Variants in PLCB4 observed in about 807,000 individuals in gnomAD.
PLCB4 encodes the protein phospholipase C beta 4.
Under a neutral mutation model 178.8 loss-of-function variants are expected in PLCB4, and 77 were observed. The ratio of observed to expected loss-of-function variants is 0.43; its 90% CI spans 0.36 to 0.52. The LOEUF is 0.52. Among genes scored for constraint, PLCB4 ranks in the 20% least tolerant of loss-of-function variants. The pLI is 0.00. For missense variants in PLCB4, 1,024 were observed against 1,453.4 expected (o/e 0.70, Z 4.80); for synonymous variants, 496 against 490.8 (o/e 1.01, Z -0.14).
intron 4 of PLCB4, among the ~76,000 whole-genome samples, chr20:9,327,310 G>A (rs1229206429): frequency 6.6e-6 from 1 of 151,532 alleles, no homozygotes; most frequent in East Asian, 1.9e-4. Flanking sequence ...AGCCAGCCAT[G>A]ATAGTGAATG....
At chr20:9,301,242 G>T (rs906315701) in intron 3 of PLCB4, among the ~76,000 whole-genome samples, 23 of 151,912 alleles carry the variant, frequency 1.5e-4, no homozygotes, top group Admixed American at 9.9e-4. Context: ...TTCGCGAGTT[G>T]CAGCAGTTAG....
chr20:9,217,668 CT>C (rs1214053331), intron 3 of PLCB4, among the ~76,000 whole-genome samples: 5 of 152,242 alleles, frequency 3.3e-5, no homozygotes, highest in Non-Finnish European at 5.9e-5. Context: ...ACCTTGGGCA[CT>C]TTACCCTTTG....
At chr20:9,235,143 G>T (rs2093979509) in intron 3 of PLCB4, among the ~76,000 whole-genome samples, 1 of 152,146 alleles carries the variant, frequency 6.6e-6, no homozygotes, top group African/African-American at 2.4e-5. Context: ...ATGAAAGTGT[G>T]GTAGGGTCAG....
At chr20:9,109,986 G>C (rs940507879) in intron 2 of PLCB4, among the ~76,000 whole-genome samples, 1 of 152,192 alleles carries the variant, frequency 6.6e-6, no homozygotes, top group African/African-American at 2.4e-5. Flanking sequence ...CTGATGTTCT[G>C]TGAATCTGTT....
At chr20:9,171,448 C>T (rs1008388096) in intron 2 of PLCB4, among the ~76,000 whole-genome samples, 1 of 152,084 alleles carries the variant, frequency 6.6e-6, no homozygotes, top group Non-Finnish European at 1.5e-5. Context: ...AACCAGAGAC[C>T]ATATTTTGTT....
At chr20:9,237,644 A>T (rs1338405813) in intron 3 of PLCB4, among the ~76,000 whole-genome samples, 2 of 152,220 alleles carry the variant, frequency 1.3e-5, no homozygotes, top group African/African-American at 4.8e-5. Context: ...TAGACCACAG[A>T]TCCTGAGAAC....
chr20:9,270,160 A>G (rs148202806), intron 3 of PLCB4, among the ~76,000 whole-genome samples: 169 of 152,294 alleles, frequency 1.1e-3, no homozygotes, highest in African/African-American at 3.9e-3. Flanking sequence ...GCATCACTAA[A>G]TGGTGAATTA....
intron 2 of PLCB4, among the ~76,000 whole-genome samples, chr20:9,132,593 A>T (rs73609428): frequency 6.6e-6 from 1 of 152,206 alleles, no homozygotes; most frequent in African/African-American, 2.4e-5. Context: ...TTAGTAAATT[A>T]GATCCAGTTG....
intron 2 of PLCB4, among the ~76,000 whole-genome samples, chr20:9,128,355 A>G (rs1183264784): frequency 6.6e-6 from 1 of 152,128 alleles, no homozygotes; most frequent in African/African-American, 2.4e-5. Context: ...TTTATAAATT[A>G]CCCAACTTCA....
chr20:9,283,849 T>G (rs78662552), intron 3 of PLCB4, among the ~76,000 whole-genome samples: 6,610 of 152,028 alleles, frequency 0.043, 215 homozygotes, highest in East Asian at 0.17. Context: ...CCCTTTCTAT[T>G]ATATTTTTTA....
intron 14 of PLCB4, among the ~76,000 whole-genome samples, chr20:9,384,700 G>A (rs1001458741): frequency 5.9e-5 from 9 of 151,300 alleles, no homozygotes; most frequent in Non-Finnish European, 1.3e-4. Flanking sequence ...AAGAAGGCGT[G>A]TTGAGTTTTT....
At chr20:9,212,276 T>C (rs1177689919) in intron 2 of PLCB4, among the ~76,000 whole-genome samples, 2 of 152,218 alleles carry the variant, frequency 1.3e-5, no homozygotes, top group Non-Finnish European at 2.9e-5. Flanking sequence ...TTTCCAACAT[T>C]CTGTTTGCTT....
rs545072588 is a variant in PLCB4, at chr20:9,206,504, T to C, written c.-78-10886T>C. 5.9e-5 allele frequency among the ~76,000 whole-genome samples: 9 copies of C among 152,290 alleles called. No individual in the cohort carries two copies. The East Asian group carries it at 1.7e-3, about 29-fold the overall frequency. ...CTCTTGGGAGCTCCAGAAACTTTTT[T>C]CTTTTTCAACTGAAGCTTCAAAAAG... is the stretch of plus-strand genomic sequence containing the variant. On this transcript the variant is annotated intron_variant, in intron 2 of 39. Coordinates refer to ENST00000378473, the MANE Select transcript of PLCB4 (RefSeq NM_001377142.1).
At chr20:9,418,805 A>T (rs144545647) in intron 25 of PLCB4, among the ~76,000 whole-genome samples, 1 of 152,162 alleles carries the variant, frequency 6.6e-6, no homozygotes, top group Admixed American at 6.5e-5. Flanking sequence ...TGAAGGCAAG[A>T]TGTCTTCCCA....
chr20:9,238,291 C>T (rs1303660495), intron 3 of PLCB4, among the ~76,000 whole-genome samples: 1 of 152,150 alleles, frequency 6.6e-6, no homozygotes, highest in Non-Finnish European at 1.5e-5. Context: ...ATCTCATGGC[C>T]CATGAACATG....
chr20:9,400,389 CA>C (rs1199327186), intron 19 of PLCB4, among the ~76,000 whole-genome samples: 2 of 151,994 alleles, frequency 1.3e-5, no homozygotes, highest in Admixed American at 6.6e-5. Flanking sequence ...AATATTAAAT[CA>C]AAAAAAGTAC....
chr20:9,408,998 G>A (rs1343851652), intron 23 of PLCB4, 59 bp from the exon 24 acceptor site: 15 of 1,517,676 alleles, frequency 9.9e-6, no homozygotes, highest in Non-Finnish European at 1.2e-5. Context: ...TTAGCTCTTT[G>A]TTGTTTATTT....
intron 24 of PLCB4, among the ~76,000 whole-genome samples, chr20:9,410,432 A>G (rs933584536): frequency 6.6e-6 from 1 of 152,208 alleles, no homozygotes; most frequent in Non-Finnish European, 1.5e-5. Context: ...ATTAGGTTTA[A>G]ACACAACATT....
intron 1 of PLCB4, among the ~76,000 whole-genome samples, chr20:9,095,771 A>T (rs1292387671): frequency 6.6e-6 from 1 of 152,108 alleles, no homozygotes; most frequent in African/African-American, 2.4e-5. Context: ...TAGAGCCCAT[A>T]AATATAGTTT....
Sources: gnomAD v4.1 joint callset for allele counts (sites outside exome capture counted in the v4.1 genomes callset) on GRCh38, gnomAD v4.1.1 for gene constraint, MANE v1.5 for transcripts, NCBI Gene and HGNC (gene_info 2026-07-23, HGNC 2026-07-21) for gene names.